Variants in IPPK observed in about 807,000 individuals in gnomAD.
The protein encoded by IPPK is IPK1 homolog.
Under a neutral mutation model 64.6 loss-of-function variants are expected in IPPK, and 22 were observed. The ratio of observed to expected loss-of-function variants is 0.34; its 90% CI spans 0.24 to 0.49. The LOEUF is 0.49. Ranked by LOEUF, IPPK falls within the 20% of genes least tolerant of loss-of-function variation. The pLI is 0.99. For missense variants in IPPK, 532 were observed against 630.7 expected (o/e 0.84, Z 1.68); for synonymous variants, 262 against 247.2 (o/e 1.06, Z -0.56).
At chr9:92,618,930 T>C in intron 12 of IPPK, 2 of 292,002 alleles carry the variant, frequency 6.8e-6, no homozygotes, top group South Asian at 6.9e-5. Context: ...GTCTAACGAC[T>C]ATGAGATTAT....
Position 92,615,865 on chromosome 9 carries a change from G to A in IPPK, c.1443C>T (p.Ser481=), listed in dbSNP as rs750282220. 58 of 1,613,896 alleles carry A rather than the reference G, an allele frequency of 3.6e-5. No homozygotes were observed. Among genetic ancestry groups the A allele is most frequent in the Non-Finnish European group, 4.7e-5 (56 of 1,179,910 alleles). Residue 481 remains serine (S), a synonymous_variant, in exon 13 of 13, where the codon AGC becomes AGT. Transcript: ENST00000287996. ...TGTGGAGAACTAATGTGCAATCTTCGCTTTCCTTGAACCGAGTCGACATCA... is the reference window on the plus strand; with the variant it reads ...TGTGGAGAACTAATGTGCAATCTTCACTTTCCTTGAACCGAGTCGACATCA... ...NAVMSTRFKE[S]EDCTLVLHKV
At chr9:92,637,282 G>A (rs958157528) in intron 9 of IPPK, among the ~76,000 whole-genome samples, 1 of 152,190 alleles carries the variant, frequency 6.6e-6, no homozygotes, top group Non-Finnish European at 1.5e-5. Context: ...CTCTGGCCTG[G>A]GTAAGAGAGT....
intron 1 of IPPK, among the ~76,000 whole-genome samples, chr9:92,660,352 G>A (rs1490595809): frequency 2.0e-5 from 3 of 152,290 alleles, no homozygotes; most frequent in Non-Finnish European, 4.4e-5. Context: ...CCTGATCAGT[G>A]TAAACTGACC....
At chr9:92,622,233 A>G (rs1339784872) in intron 11 of IPPK, among the ~76,000 whole-genome samples, 1 of 152,216 alleles carries the variant, frequency 6.6e-6, no homozygotes, top group Non-Finnish European at 1.5e-5. Flanking sequence ...TAAACAATTT[A>G]CTTGATGGTA....
chr9:92,666,202 G>T (rs1328299593), intron 1 of IPPK, among the ~76,000 whole-genome samples: 1 of 152,032 alleles, frequency 6.6e-6, no homozygotes, highest in East Asian at 1.9e-4. Flanking sequence ...TTCTGCCCCT[G>T]CTCCCCAAGG....
At chr9:92,652,206 T>G (rs1035192773) in intron 4 of IPPK, among the ~76,000 whole-genome samples, 8 of 151,844 alleles carry the variant, frequency 5.3e-5, no homozygotes, top group African/African-American at 1.9e-4. Flanking sequence ...TCCCAGCACT[T>G]TGGGAGGCCG....
chr9:92,646,600 G>C (rs1253338362), intron 6 of IPPK, among the ~76,000 whole-genome samples: 1 of 152,226 alleles, frequency 6.6e-6, no homozygotes, highest in Non-Finnish European at 1.5e-5. Flanking sequence ...GGGATGAAGA[G>C]AAAGCAGTTA....
chr9:92,625,944 G>A (rs1851725425), intron 11 of IPPK, among the ~76,000 whole-genome samples: 1 of 151,640 alleles, frequency 6.6e-6, no homozygotes, highest in South Asian at 2.1e-4. Flanking sequence ...AACCACCAAG[G>A]TTTTATTGTA....
In IPPK at chr9:92,618,528, CG is replaced by C. The variant is rs374257924; in HGVS notation, c.1250+957del. 3.0e-3 allele frequency: 1,358 copies of C among 456,662 alleles called. 5 individuals are homozygous for C. The highest frequency in any genetic ancestry group is 3.9e-3 in the South Asian group (254 of 64,566). The allele number at this position is 456,662 out of a possible 1,614,324, so 28.3% of individuals were successfully genotyped here. A position where few individuals can be genotyped will look rare whatever the true frequency, so the allele number is the denominator to read the frequency against. On this transcript the variant is annotated intron_variant, in intron 12 of 12. Transcript: ENST00000287996. The stretch of plus-strand genomic sequence containing the variant: ...TCCATTGCCCAGCTGCATCCTTGGT[CG>C]GGGGGCTGCTGAACAGTGGTATCTT...
chr9:92,613,323 G>A lies in IPPK; in HGVS notation c.*2509C>T, dbSNP rs1254273213. 2 of 664,504 alleles carry A rather than the reference G, an allele frequency of 3.0e-6. No individual in the cohort carries two copies. Among genetic ancestry groups the A allele is most frequent in the Non-Finnish European group, 5.0e-6 (2 of 400,354 alleles). The allele number at this position is 664,504 out of a possible 1,614,324, so 41.2% of individuals were successfully genotyped here. On this transcript the variant is annotated 3_prime_UTR_variant, in exon 13 of 13. Coordinates refer to ENST00000287996, the MANE Select transcript of IPPK (RefSeq NM_022755.6). The stretch of plus-strand genomic sequence containing the variant: ...ATGACATGAAAAATAAATACAACTA[G>A]TTAAGTATAAAATGCCAAATAAAAG...
intron 9 of IPPK, among the ~76,000 whole-genome samples, chr9:92,636,918 G>A (rs1306961215): frequency 6.6e-6 from 1 of 151,964 alleles, no homozygotes. Flanking sequence ...GACACAGTTG[G>A]CTTCCTTAAA....
chr9:92,616,533 C>G (rs1239847412), intron 12 of IPPK: 2 of 155,258 alleles, frequency 1.3e-5, no homozygotes, highest in African/African-American at 4.8e-5. Flanking sequence ...GATGGAATGT[C>G]GACAAGCCTT....
chr9:92,666,581 G>A (rs1852601945), intron 1 of IPPK, among the ~76,000 whole-genome samples: 1 of 152,142 alleles, frequency 6.6e-6, no homozygotes, highest in South Asian at 2.1e-4. Context: ...CCAGGCTGCC[G>A]AGAGCCTCTC....
Position 92,635,053 on chromosome 9 carries a change from G to T in IPPK, c.1067+105C>A. On this transcript the variant is annotated intron_variant, in intron 10 of 12. Coordinates refer to ENST00000287996, the MANE Select transcript of IPPK (RefSeq NM_022755.6). The surrounding 1 kb of genome is among the most constrained non-coding windows in gnomAD (Gnocchi z 4.4). The stretch of plus-strand genomic sequence containing the variant: ...GACTGGGGTAGGAAGTGGCCGGCAT[G>T]CTTCATCCTCCTGGGAAGCTGTGCC... 8.6e-7 allele frequency: 1 copy of T among 1,165,786 alleles called. No individual in the cohort carries two copies. The highest frequency in any genetic ancestry group is 1.2e-6 in the Non-Finnish European group (1 of 827,898). The allele number at this position is 1,165,786 out of a possible 1,614,324, so 72.2% of individuals were successfully genotyped here. A position where few individuals can be genotyped will look rare whatever the true frequency, so the allele number is the denominator to read the frequency against.
At chr9:92,650,050 A>T (rs145986016) in intron 4 of IPPK, among the ~76,000 whole-genome samples, 5,874 of 137,400 alleles carry the variant, frequency 0.043, 176 homozygotes, top group South Asian at 0.12. Flanking sequence ...AAAGGCGGGC[A>T]CGGTGGCTCA....
intron 1 of IPPK, among the ~76,000 whole-genome samples, chr9:92,666,799 G>A (rs1393757278): frequency 2.0e-5 from 3 of 152,180 alleles, no homozygotes; most frequent in Non-Finnish European, 4.4e-5. Context: ...CCTCTCTATG[G>A]CTGGCCTGCT....
intron 11 of IPPK, among the ~76,000 whole-genome samples, chr9:92,627,012 A>C (rs914844140): frequency 1.4e-4 from 22 of 152,122 alleles, no homozygotes; most frequent in Non-Finnish European, 2.9e-4. Flanking sequence ...TCAGATACAG[A>C]GGGAATTTAC....
At chr9:92,665,833 T>G (rs1395183049) in intron 1 of IPPK, among the ~76,000 whole-genome samples, 41 of 152,182 alleles carry the variant, frequency 2.7e-4, no homozygotes, top group Non-Finnish European at 8.8e-5. Flanking sequence ...TACATATATA[T>G]ATGATCTATG....
chr9:92,627,800 T>G (rs1851760743), intron 11 of IPPK, among the ~76,000 whole-genome samples: 2 of 152,324 alleles, frequency 1.3e-5, no homozygotes, highest in Admixed American at 1.3e-4. Flanking sequence ...ATCAGGGATG[T>G]CTACTCCTGC....
Sources: gnomAD v4.1 joint callset for allele counts (sites outside exome capture counted in the v4.1 genomes callset) on GRCh38, gnomAD v4.1.1 for gene constraint, Gnocchi (gnomAD v3.1) non-coding constraint, MANE v1.5 for transcripts, NCBI Gene and HGNC (gene_info 2026-07-23, HGNC 2026-07-21) for gene names.